Variants in UNC80 observed in about 807,000 individuals in gnomAD.
The protein encoded by UNC80 is protein unc-80 homolog.
A neutral mutation model predicts 384.6 loss-of-function variants in UNC80; 164 were observed. The observed-to-expected ratio is 0.43, with a 90% CI of 0.38 to 0.49. The LOEUF is 0.49. Among genes scored for constraint, UNC80 ranks in the 20% least tolerant of loss-of-function variants. The pLI, the probability that UNC80 is intolerant of heterozygous loss-of-function variation, is 0.00. For synonymous variants in UNC80, 1,486 were observed against 1,527.8 expected (o/e 0.97, Z 0.64); for missense variants, 3,330 against 4,143.0 (o/e 0.80, Z 5.39).
intron 51 of UNC80, among the ~76,000 whole-genome samples, chr2:209,965,721 A>G (rs1354491678): frequency 6.6e-6 from 1 of 152,006 alleles, no homozygotes; most frequent in Non-Finnish European, 1.5e-5. Flanking sequence ...ACACCCGGCC[A>G]GAAGGTCTTA....
At chr2:209,959,785 G>A (rs2092533222) in intron 51 of UNC80, 78 bp downstream of exon 51, 1 of 1,341,550 alleles carries the variant, frequency 7.5e-7, no homozygotes, top group Non-Finnish European at 1.0e-6. Flanking sequence ...TGGGTTGAGA[G>A]TGGGGGTTCT....
intron 48 of UNC80, 104 bp from the exon 49 acceptor site, chr2:209,957,540 T>C (rs1354558251): frequency 1.9e-6 from 2 of 1,070,116 alleles, no homozygotes; most frequent in Non-Finnish European, 2.7e-6. Flanking sequence ...ACTCTAAAAC[T>C]AACTTAAAAC....
Position 209,771,998 on chromosome 2 carries a change from C to A in UNC80, c.-75C>A. On this transcript the variant is annotated 5_prime_UTR_variant, in exon 1 of 65. Coordinates refer to ENST00000673920, the MANE Select transcript of UNC80 (RefSeq NM_001371986.1). ...AGGAGGGGATGAGAGTTGGGAGCAGCGGGAGGAGGCGGCGGCGGCGGCTAG... is the reference window on the plus strand; with the variant it reads ...AGGAGGGGATGAGAGTTGGGAGCAGAGGGAGGAGGCGGCGGCGGCGGCTAG... 2 of 1,083,502 alleles carry A rather than the reference C, an allele frequency of 1.8e-6. No individual in the cohort carries two copies. Among genetic ancestry groups the A allele is most frequent in the Non-Finnish European group, 2.8e-6 (2 of 725,656 alleles). 67.1% of individuals were successfully genotyped at this position (1,083,502 alleles called of 1,614,324 possible).
chr2:209,840,955 C>A (rs1188480860), intron 20 of UNC80, among the ~76,000 whole-genome samples: 3 of 152,342 alleles, frequency 2.0e-5, no homozygotes, highest in African/African-American at 7.2e-5. Flanking sequence ...AAATGACTGA[C>A]ATCTCAAACT....
Position 209,854,361 on chromosome 2 carries a change from G to A in UNC80, c.3627+4738G>A, listed in dbSNP as rs191845747. ...TGCTTGAATAGTATTTCATTGTTTTGTATATGCCACATTTTCTTTATTCAT... is the reference window on the plus strand; with the variant it reads ...TGCTTGAATAGTATTTCATTGTTTTATATATGCCACATTTTCTTTATTCAT... On this transcript the variant is annotated intron_variant, in intron 22 of 64. Coordinates refer to ENST00000673920, the MANE Select transcript of UNC80 (RefSeq NM_001371986.1). Among the ~76,000 whole-genome samples, 23 of 152,108 alleles carry A rather than the reference G, an allele frequency of 1.5e-4. No individual in the cohort carries two copies. The East Asian group carries it at 4.4e-3, about 29-fold the overall frequency.
intron 59 of UNC80, among the ~76,000 whole-genome samples, chr2:209,979,508 T>G (rs1336629631): frequency 6.6e-6 from 1 of 152,182 alleles, no homozygotes; most frequent in Non-Finnish European, 1.5e-5. Context: ...GCAGGCTGTC[T>G]TGAGGGAAAG....
chr2:209,855,506 AG>A (rs1185305582), intron 22 of UNC80, among the ~76,000 whole-genome samples: 1 of 152,202 alleles, frequency 6.6e-6, no homozygotes, highest in African/African-American at 2.4e-5. Context: ...ATATATCATA[AG>A]TACATAGAAT....
intron 13 of UNC80, 22 bp downstream of exon 13, chr2:209,820,701 T>C (rs1481911354): frequency 2.0e-6 from 3 of 1,499,832 alleles, no homozygotes; most frequent in Non-Finnish European, 2.7e-6. Flanking sequence ...CCACCTTATG[T>C]GTCCTCATGA....
intron 52 of UNC80, chr2:209,968,595 T>C (rs921263015): frequency 6.6e-6 from 1 of 152,200 alleles, no homozygotes; most frequent in African/African-American, 2.4e-5. Flanking sequence ...ATACATTATT[T>C]CAAGGTTATT....
At chr2:209,801,249 C>CAT (rs1488509365) in intron 7 of UNC80, among the ~76,000 whole-genome samples, 1 of 151,902 alleles carries the variant, frequency 6.6e-6, no homozygotes, top group East Asian at 1.9e-4. Context: ...GTATTGGGTA[C>CAT]ATATATATTT....
At chr2:209,902,761 A>G (rs886438638) in intron 28 of UNC80, among the ~76,000 whole-genome samples, 44 of 152,210 alleles carry the variant, frequency 2.9e-4, no homozygotes, top group African/African-American at 1.0e-3. Flanking sequence ...TTGCACACCT[A>G]ATAGACTATG....
chr2:209,840,687 C>A, intron 20 of UNC80, 39 bp downstream of exon 20: 1 of 1,498,222 alleles, frequency 6.7e-7, no homozygotes, highest in South Asian at 1.2e-5. Context: ...CTGTTGAAGT[C>A]GCTGATACAA....
At chr2:209,855,378 G>A (rs1455938821) in intron 22 of UNC80, among the ~76,000 whole-genome samples, 1 of 152,108 alleles carries the variant, frequency 6.6e-6, no homozygotes, top group Non-Finnish European at 1.5e-5. Flanking sequence ...TAGATGATGA[G>A]TTGATAGGTA....
At position 209,887,988 on chromosome 2, in the gene UNC80, TGTTTAAACGCA is replaced by T. The variant is rs1185295440; in HGVS notation, c.4111-103_4111-93del. 12 of 977,424 alleles carry T rather than the reference TGTTTAAACGCA, an allele frequency of 1.2e-5. No homozygotes were observed. In the African/African-American group the frequency reaches 1.8e-4, roughly 15 times the overall value. 60.5% of individuals were successfully genotyped at this position (977,424 alleles called of 1,614,324 possible). Reference sequence around the variant, plus strand: ...TTAGCGTCAGATAAAGGAATCTGGCTGTTTAAACGCAGTTGTGTATAATTCAAAATGGTGGG... The same window carrying T: ...TTAGCGTCAGATAAAGGAATCTGGCTGTTGTGTATAATTCAAAATGGTGGG... On this transcript the variant is annotated intron_variant, in intron 25 of 64. Coordinates refer to ENST00000673920, the MANE Select transcript of UNC80 (RefSeq NM_001371986.1).
At chr2:209,938,283 AAAT>A (rs1468672492) in intron 42 of UNC80, among the ~76,000 whole-genome samples, 1 of 152,244 alleles carries the variant, frequency 6.6e-6, no homozygotes, top group African/African-American at 2.4e-5. Context: ...ACAATTCTAA[AAAT>A]GATACAATTT....
At chr2:209,806,199 T>C (rs988977989) in intron 7 of UNC80, among the ~76,000 whole-genome samples, 8 of 152,208 alleles carry the variant, frequency 5.3e-5, no homozygotes, top group African/African-American at 1.7e-4. Context: ...TATATAATCT[T>C]TCTCATCCAT....
intron 48 of UNC80, among the ~76,000 whole-genome samples, chr2:209,955,735 A>ATG (rs2092385994): frequency 1.1e-5 from 1 of 89,882 alleles, no homozygotes; most frequent in Non-Finnish European, 1.9e-5. Context: ...ATATATATAT[A>ATG]TATACACACA....
chr2:209,771,893 T>G lies in UNC80; in HGVS notation c.-180T>G. 1 of 596,290 alleles carries G rather than the reference T, an allele frequency of 1.7e-6. No individual in the cohort carries two copies. The highest frequency in any genetic ancestry group is 3.3e-5 in the East Asian group (1 of 29,858). 36.9% of individuals were successfully genotyped at this position (596,290 alleles called of 1,614,324 possible). A position where few individuals can be genotyped will look rare whatever the true frequency, so the allele number is the denominator to read the frequency against. The stretch of plus-strand genomic sequence containing the variant: ...CAGCCCTCCCCTCCTCCCGCAGCCA[T>G]GTTCCACGCGCGGGGAGGGGTGGGG... On this transcript the variant is annotated 5_prime_UTR_variant, in exon 1 of 65. The change abolishes an upstream ATG in the 5' untranslated region. Coordinates refer to ENST00000673920, the MANE Select transcript of UNC80 (RefSeq NM_001371986.1).
At chr2:209,985,003 T>A (rs1286195696) in intron 61 of UNC80, 91 bp downstream of exon 61, 1 of 1,123,914 alleles carries the variant, frequency 8.9e-7, no homozygotes. Context: ...CTCTGTCTCT[T>A]CTCGCCCCGT....
Sources: gnomAD v4.1 joint callset for allele counts (sites outside exome capture counted in the v4.1 genomes callset) on GRCh38, gnomAD v4.1.1 for gene constraint, MANE v1.5 for transcripts, NCBI Gene and HGNC (gene_info 2026-07-23, HGNC 2026-07-21) for gene names.